The following CACNG2 variants were observed in gnomAD, a reference collection of about 807,000 sequenced individuals.
The protein encoded by CACNG2 is calcium voltage-gated channel auxiliary subunit gamma 2.
CACNG2 carries 3 observed loss-of-function variants against 25.9 expected under a neutral mutation model. The ratio of observed to expected loss-of-function variants is 0.12; its 90% CI spans 0.05 to 0.30. CACNG2 has a LOEUF of 0.30. Among genes scored for constraint, CACNG2 ranks in the 10% least tolerant of loss-of-function variants. The pLI is 1.00. For missense variants in CACNG2, 341 were observed against 432.5 expected, an observed-to-expected ratio of 0.79 and a Z score of 1.88; for synonymous variants, 167 against 173.3, an observed-to-expected ratio of 0.96 and a Z score of 0.29.
chr22:36,633,575 T>G (rs1398698629), intron 1 of CACNG2, among the ~76,000 whole-genome samples: 2 of 152,244 alleles, frequency 1.3e-5, no homozygotes, highest in Non-Finnish European at 2.9e-5. Flanking sequence ...TAAAAAGTCA[T>G]TCTGAGCGAT....
At chr22:36,566,314 C>A in intron 3 of CACNG2, 39 bp downstream of exon 3, 1 of 1,610,880 alleles carries the variant, frequency 6.2e-7, no homozygotes, top group Non-Finnish European at 8.5e-7. Context: ...CACACCCCAG[C>A]CTTCTTCCCA....
At chr22:36,575,140 T>A (rs1463904230) in intron 2 of CACNG2, among the ~76,000 whole-genome samples, 1 of 152,232 alleles carries the variant, frequency 6.6e-6, no homozygotes, top group Non-Finnish European at 1.5e-5. Context: ...TCCGTCTACC[T>A]TACTGGGTTA....
chr22:36,661,463 G>C (rs1205423650), intron 1 of CACNG2, among the ~76,000 whole-genome samples: 1 of 152,132 alleles, frequency 6.6e-6, no homozygotes, highest in African/African-American at 2.4e-5. Context: ...GATGTCAGGA[G>C]GTTCAGTGTG....
chr22:36,655,248 G>A (rs1936685530), intron 1 of CACNG2, among the ~76,000 whole-genome samples: 1 of 152,172 alleles, frequency 6.6e-6, no homozygotes. Flanking sequence ...GTTAGGGTTA[G>A]ACAAATGTAG....
intron 3 of CACNG2, 66 bp downstream of exon 3, chr22:36,566,287 C>T (rs757379259): frequency 3.2e-5 from 48 of 1,510,300 alleles, no homozygotes; most frequent in South Asian, 1.1e-4. Context: ...GCCAGGCCCT[C>T]GTGGCCCCTG....
At chr22:36,697,611 G>T (rs1475478455) in intron 1 of CACNG2, among the ~76,000 whole-genome samples, 1 of 152,192 alleles carries the variant, frequency 6.6e-6, no homozygotes, top group Non-Finnish European at 1.5e-5. Context: ...GGTGTGAACT[G>T]ACCAGGACTC....
At chr22:36,673,492 T>C (rs890780371) in intron 1 of CACNG2, among the ~76,000 whole-genome samples, 1 of 152,156 alleles carries the variant, frequency 6.6e-6, no homozygotes, top group African/African-American at 2.4e-5. Flanking sequence ...ATTTCTTTTA[T>C]GAATTCTTAA....
At chr22:36,579,500 C>T (rs972336823) in intron 2 of CACNG2, among the ~76,000 whole-genome samples, 4 of 151,872 alleles carry the variant, frequency 2.6e-5, no homozygotes, top group South Asian at 4.2e-4. Context: ...CTACCGGGCC[C>T]GAGCACCTGC....
At chr22:36,690,442 G>A (rs914852141) in intron 1 of CACNG2, among the ~76,000 whole-genome samples, 1 of 152,094 alleles carries the variant, frequency 6.6e-6, no homozygotes, top group Non-Finnish European at 1.5e-5. Context: ...AGCACAACTC[G>A]CTTGCCAATC....
At position 36,563,376 on chromosome 22, in the gene CACNG2, G is replaced by C. The variant is rs865847522; in HGVS notation, c.*975C>G. 0.026 allele frequency among the ~76,000 whole-genome samples: 3,686 copies of C among 142,122 alleles called. 173 individuals are homozygous for C. The highest frequency in any genetic ancestry group is 0.095 in the African/African-American group (3,559 of 37,310). The allele number at this position is 142,122 out of a possible 152,430, so 93.2% of individuals were successfully genotyped here. A position where few individuals can be genotyped will look rare whatever the true frequency, so the allele number is the denominator to read the frequency against. On this transcript the variant is annotated 3_prime_UTR_variant, in exon 4 of 4. Coordinates refer to ENST00000300105, the MANE Select transcript of CACNG2 (RefSeq NM_006078.5). Reference sequence around the variant, plus strand: ...CTGTTTCATGTCCCCCGGGGGGGGGGGTGGCATCTCCTGACCCCAAGGACA... The same window carrying C: ...CTGTTTCATGTCCCCCGGGGGGGGGCGTGGCATCTCCTGACCCCAAGGACA...
chr22:36,571,511 T>C (rs112153459), intron 2 of CACNG2, among the ~76,000 whole-genome samples: 3,843 of 151,844 alleles, frequency 0.025, 124 homozygotes, highest in Admixed American at 0.087. Flanking sequence ...AACTGAGTCA[T>C]AATCTCCATT....
At chr22:36,689,323 C>G (rs1490846125) in intron 1 of CACNG2, among the ~76,000 whole-genome samples, 4 of 152,140 alleles carry the variant, frequency 2.6e-5, no homozygotes, top group Non-Finnish European at 5.9e-5. Flanking sequence ...GGACCCTGGT[C>G]TCATGGAACT....
chr22:36,624,376 C>T (rs1305248607), intron 1 of CACNG2, among the ~76,000 whole-genome samples: 1 of 152,156 alleles, frequency 6.6e-6, no homozygotes, highest in Admixed American at 6.5e-5. Flanking sequence ...CTGTAGCAAA[C>T]CTATGAGGTA....
chr22:36,674,027 C>T (rs1338362622), intron 1 of CACNG2, among the ~76,000 whole-genome samples: 19 of 152,212 alleles, frequency 1.2e-4, no homozygotes, highest in East Asian at 1.9e-4. Flanking sequence ...CCGTCCCTCC[C>T]GCATGATCAA....
chr22:36,616,054 A>G (rs948981338), intron 1 of CACNG2, among the ~76,000 whole-genome samples: 11 of 152,052 alleles, frequency 7.2e-5, no homozygotes, highest in East Asian at 5.8e-4. Context: ...AAGACCCTCA[A>G]CTCAGAAACT....
intron 1 of CACNG2, among the ~76,000 whole-genome samples, chr22:36,612,794 A>C (rs979640168): frequency 1.3e-5 from 2 of 152,222 alleles, no homozygotes. Flanking sequence ...GTTTTAGCTC[A>C]ATGAATGAAT....
At chr22:36,661,762 G>A (rs1323534584) in intron 1 of CACNG2, among the ~76,000 whole-genome samples, 16 of 152,082 alleles carry the variant, frequency 1.1e-4, no homozygotes, top group Admixed American at 1.0e-3. Flanking sequence ...AGGCAAGGTG[G>A]CCTCATGGGC....
intron 1 of CACNG2, among the ~76,000 whole-genome samples, chr22:36,679,352 C>T (rs1421321353): frequency 6.6e-6 from 1 of 151,982 alleles, no homozygotes; most frequent in Non-Finnish European, 1.5e-5. Flanking sequence ...GCAAATGTAC[C>T]GGCCACTGAA....
intron 2 of CACNG2, among the ~76,000 whole-genome samples, chr22:36,580,892 CAT>C (rs1235110959): frequency 6.6e-6 from 1 of 152,154 alleles, no homozygotes; most frequent in African/African-American, 2.4e-5. Flanking sequence ...TACACACAGA[CAT>C]GTGCAAACAC....
Sources: allele counts gnomAD v4.1 joint callset (sites outside exome capture counted in the v4.1 genomes callset), GRCh38; gene constraint gnomAD v4.1.1; transcripts MANE v1.5; gene names NCBI Gene and HGNC (gene_info 2026-07-23, HGNC 2026-07-21).